CBX7: variants seen among roughly 807,000 people sequenced by gnomAD.
CBX7 encodes chromobox 7, also known as chromobox protein homolog 7.
CBX7 carries 14 observed loss-of-function variants against 31.4 expected under a neutral mutation model. That is an observed-to-expected ratio of 0.45 (90% confidence interval 0.29 to 0.70). The LOEUF is 0.70. Among genes scored for constraint, CBX7 ranks in the 30% least tolerant of loss-of-function variants. The pLI is 0.11. For synonymous variants in CBX7, 159 were observed against 152.6 expected (o/e 1.04, Z -0.31); for missense variants, 269 against 351.9 (o/e 0.76, Z 1.89).
At position 39,132,518 on chromosome 22, in the gene CBX7, C is replaced by A. The variant is rs1930082699; in HGVS notation, c.*1373G>T. 6.6e-6 allele frequency: 1 copy of A among 152,534 alleles called. No homozygotes were observed. Among genetic ancestry groups the A allele is most frequent in the Non-Finnish European group, 1.5e-5 (1 of 68,282 alleles). The allele number at this position is 152,534 out of a possible 1,614,324, so 9.4% of individuals were successfully genotyped here. A position where few individuals can be genotyped will look rare whatever the true frequency, so the allele number is the denominator to read the frequency against. On this transcript the variant is annotated 3_prime_UTR_variant, in exon 6 of 6. Coordinates refer to ENST00000216133, the MANE Select transcript of CBX7 (RefSeq NM_175709.5). ...AGGGAAGCCACGGGCCCCCAGGACA[C>A]CTTGTACAAACCAGAAAACAAGTGC...
At chr22:39,141,092 G>C (rs1930438728) in intron 3 of CBX7, 1 of 404,064 alleles carries the variant, frequency 2.5e-6, no homozygotes, top group South Asian at 2.7e-5. Context: ...CTGGGAAATG[G>C]GTGTACTCTT....
chr22:39,145,310 A>G (rs1010804263), intron 2 of CBX7, among the ~76,000 whole-genome samples: 7 of 152,084 alleles, frequency 4.6e-5, no homozygotes, highest in African/African-American at 1.7e-4. Context: ...GCAGTGCAGG[A>G]GCCCAGAGGC....
chr22:39,136,214 C>G (rs1287396089), intron 4 of CBX7: 1 of 152,026 alleles, frequency 6.6e-6, no homozygotes, highest in Non-Finnish European at 1.5e-5. Flanking sequence ...CGGGTGCCAA[C>G]AGTCAGGTCC....
intron 4 of CBX7, chr22:39,135,653 T>C (rs891978872): frequency 2.6e-5 from 4 of 152,252 alleles, no homozygotes; most frequent in African/African-American, 9.7e-5. Flanking sequence ...CGGCATCACA[T>C]GTCCCCAGGT....
intron 1 of CBX7, 49 bp from the exon 2 acceptor site, chr22:39,149,881 A>G (rs999374836): frequency 6.6e-7 from 1 of 1,519,426 alleles, no homozygotes; most frequent in African/African-American, 1.4e-5. Context: ...TTGCCCCTAC[A>G]GCCACTCGGA....
intron 2 of CBX7, among the ~76,000 whole-genome samples, chr22:39,144,285 C>T (rs943323702): frequency 1.3e-5 from 2 of 152,242 alleles, no homozygotes; most frequent in East Asian, 1.9e-4. Context: ...CCCTGCCAGC[C>T]GGCCCTCCCT....
intron 4 of CBX7, chr22:39,135,039 A>C: frequency 5.1e-6 from 2 of 393,560 alleles, no homozygotes; most frequent in Non-Finnish European, 4.6e-6. Flanking sequence ...AAGAAGGACA[A>C]ACTGAAAACT....
intron 4 of CBX7, chr22:39,136,777 G>T (rs572309607): frequency 6.6e-6 from 1 of 152,406 alleles, no homozygotes; most frequent in East Asian, 1.9e-4. Flanking sequence ...CTGCCCTGTA[G>T]GCTTAGTATG....
chr22:39,134,227 G>C (rs1930157041), intron 5 of CBX7, 174 bp downstream of exon 5: 1 of 855,394 alleles, frequency 1.2e-6, no homozygotes, highest in African/African-American at 1.7e-5. Context: ...CTAGACAAGA[G>C]CTCAGCCAGA....
chr22:39,148,984 G>A (rs1055891931), intron 2 of CBX7: 1 of 152,356 alleles, frequency 6.6e-6, no homozygotes, highest in Non-Finnish European at 1.5e-5. Context: ...CGGGAGGCGG[G>A]GCAGGGGGTG....
At position 39,152,267 on chromosome 22, in the gene CBX7, CG is replaced by C. The variant is rs1289968064; in HGVS notation, c.69+108del. ...GACGGGCCCAGCAGCGCAGGGCTGC[CG>C]GGGCCCCCGCGCCCCGCTTTCCCCT... On this transcript the variant is annotated intron_variant, in intron 1 of 5. Transcript: ENST00000216133. This position sits in a 1 kb window ranked among gnomAD's most constrained non-coding sequence, Gnocchi z 4.9. 5 of 570,802 alleles carry C rather than the reference CG, an allele frequency of 8.8e-6. No homozygotes were observed. Among genetic ancestry groups the C allele is most frequent in the East Asian group, 4.8e-5 (1 of 20,666 alleles). The allele number at this position is 570,802 out of a possible 1,614,324, so 35.4% of individuals were successfully genotyped here.
At chr22:39,136,647 A>G (rs1414009410) in intron 4 of CBX7, 1 of 152,396 alleles carries the variant, frequency 6.6e-6, no homozygotes, top group East Asian at 1.9e-4. Context: ...AGCCCAGACT[A>G]GAACCACTGA....
At chr22:39,138,182 CAAAAA>C (rs1185254645) in intron 4 of CBX7, among the ~76,000 whole-genome samples, 1 of 59,108 alleles carries the variant, frequency 1.7e-5, no homozygotes. Flanking sequence ...GACTCCGTCT[CAAAAA>C]AAAAAAAAAA....
intron 2 of CBX7, among the ~76,000 whole-genome samples, chr22:39,146,420 G>C (rs904167380): frequency 6.6e-6 from 1 of 152,234 alleles, no homozygotes; most frequent in African/African-American, 2.4e-5. Flanking sequence ...TGTGAGGTTA[G>C]GGCCTCATTT....
Position 39,134,749 on chromosome 22 carries a change from G to T in CBX7, c.250C>A (p.Leu84Met). Residue 84 changes from leucine to methionine, a missense_variant, in exon 5 of 6, where the codon CTG (leucine) becomes ATG (methionine). Around this residue, in one of 2 missense-constraint regions of CBX7, gnomAD observed 222 missense variants for 240.4 expected, o/e 0.92. Coordinates refer to ENST00000216133, the MANE Select transcript of CBX7 (RefSeq NM_175709.5). ...GAGCTCCGCAGGTCCATGCTGTACAGCCGCTGCGGGGGCAAGCCAGGGCAG... is the reference window on the plus strand; with the variant it reads ...GAGCTCCGCAGGTCCATGCTGTACATCCGCTGCGGGGGCAAGCCAGGGCAG... Reference protein sequence around the residue: ...PKPKRLLLQRLYSMDLRSSHK... With the variant: ...PKPKRLLLQRMYSMDLRSSHK... 1 of 1,516,362 alleles carries T rather than the reference G, an allele frequency of 6.6e-7. No individual in the cohort carries two copies. The allele number at this position is 1,516,362 out of a possible 1,614,324, so 93.9% of individuals were successfully genotyped here. A position where few individuals can be genotyped will look rare whatever the true frequency, so the allele number is the denominator to read the frequency against.
intron 1 of CBX7, among the ~76,000 whole-genome samples, chr22:39,151,808 G>A (rs1006295501): frequency 6.6e-6 from 1 of 151,280 alleles, no homozygotes; most frequent in Admixed American, 6.6e-5. Context: ...CCAGCGCAGG[G>A]GGCGGGCTTC....
intron 2 of CBX7, among the ~76,000 whole-genome samples, chr22:39,145,718 AG>A: frequency 7.3e-6 from 1 of 136,188 alleles, no homozygotes; most frequent in East Asian, 2.5e-4. Flanking sequence ...CGGCAAACCG[AG>A]GGGGCGGGGG....
intron 2 of CBX7, 144 bp downstream of exon 2, chr22:39,149,645 A>T: frequency 2.8e-6 from 2 of 726,114 alleles, no homozygotes; most frequent in Non-Finnish European, 4.9e-6. Flanking sequence ...GGCCCAGAGA[A>T]GATGATGATT....
At chr22:39,142,251 T>C (rs1292239592) in intron 2 of CBX7, among the ~76,000 whole-genome samples, 1 of 152,188 alleles carries the variant, frequency 6.6e-6, no homozygotes, top group East Asian at 1.9e-4. Flanking sequence ...ACAGCGTGCC[T>C]GATGTGTCGT....
Sources: allele counts gnomAD v4.1 joint callset (sites outside exome capture counted in the v4.1 genomes callset), GRCh38; gene constraint gnomAD v4.1.1; regional missense constraint gnomAD v4.1.1; non-coding constraint Gnocchi (gnomAD v3.1); transcripts MANE v1.5; gene names NCBI Gene and HGNC (gene_info 2026-07-23, HGNC 2026-07-21).